MTF2: variants seen among roughly 807,000 people sequenced by gnomAD.
The protein encoded by MTF2 is metal-response element-binding transcription factor 2.
Under a neutral mutation model 79.5 loss-of-function variants are expected in MTF2, and 11 were observed. That is an observed-to-expected ratio of 0.14 (90% CI 0.09 to 0.23). The LOEUF is 0.23. Ranked by LOEUF, MTF2 falls within the 10% of genes least tolerant of loss-of-function variation. The pLI, the probability that MTF2 is intolerant of heterozygous loss-of-function variation, is 1.00. For synonymous variants in MTF2, 208 were observed against 232.8 expected (o/e 0.89, Z 0.97); for missense variants, 486 against 711.2 (o/e 0.68, Z 3.60).
Position 93,096,107 on chromosome 1 carries a change from T to C in MTF2, c.6-14123T>C, listed in dbSNP as rs189893244. Among the ~76,000 whole-genome samples, 6 of 152,352 alleles carry C rather than the reference T, an allele frequency of 3.9e-5. No individual in the cohort carries two copies. In the East Asian group the frequency reaches 5.8e-4, roughly 15 times the overall value. On this transcript the variant is annotated intron_variant, in intron 1 of 14. Coordinates refer to ENST00000370298, the MANE Select transcript of MTF2 (RefSeq NM_007358.4). ...CACTTATGTTTAATTTTCTTCCTTA[T>C]TTTACAAGTGTTCATTCTTCCATCT...
chr1:93,083,211 A>G (rs988292756), intron 1 of MTF2, among the ~76,000 whole-genome samples: 1 of 152,204 alleles, frequency 6.6e-6, no homozygotes, highest in African/African-American at 2.4e-5. Context: ...TTAAACAACC[A>G]GAGAACTCAG....
At chr1:93,104,862 G>A (rs1275967540) in intron 1 of MTF2, among the ~76,000 whole-genome samples, 3 of 144,288 alleles carry the variant, frequency 2.1e-5, no homozygotes, top group African/African-American at 5.7e-5. Flanking sequence ...GTGAATAAGA[G>A]ACAGACATTC....
At chr1:93,096,116 T>C (rs936698626) in intron 1 of MTF2, among the ~76,000 whole-genome samples, 16 of 152,254 alleles carry the variant, frequency 1.1e-4, no homozygotes, top group Admixed American at 2.6e-4. Context: ...ATTTTACAAG[T>C]GTTCATTCTT....
At chr1:93,121,021 A>T in intron 9 of MTF2, 1 of 1,035,680 alleles carries the variant, frequency 9.7e-7, no homozygotes, top group Non-Finnish European at 1.2e-6. Context: ...TAAGTTTTCT[A>T]TAAACTTAGA....
At chr1:93,114,017 G>A (rs919982258) in intron 3 of MTF2, among the ~76,000 whole-genome samples, 48 of 145,466 alleles carry the variant, frequency 3.3e-4, no homozygotes, top group African/African-American at 1.2e-3. Context: ...TTTTTTTTTT[G>A]AGAATAAAAA....
intron 1 of MTF2, among the ~76,000 whole-genome samples, chr1:93,108,037 G>T (rs1258577170): frequency 6.6e-6 from 1 of 152,154 alleles, no homozygotes; most frequent in East Asian, 1.9e-4. Context: ...GCCTCCCAAA[G>T]TGCTGGGATT....
intron 9 of MTF2, among the ~76,000 whole-genome samples, chr1:93,122,983 G>A (rs1430306266): frequency 6.6e-6 from 1 of 151,932 alleles, no homozygotes; most frequent in Non-Finnish European, 1.5e-5. Context: ...CAAATTATTT[G>A]AATAGAAAAT....
At chr1:93,132,985 A>T (rs60548497) in intron 11 of MTF2, among the ~76,000 whole-genome samples, 12,537 of 151,602 alleles carry the variant, frequency 0.083, 1,673 homozygotes, top group African/African-American at 0.29. Flanking sequence ...CTATATATAT[A>T]TTTTCTTTTT....
At chr1:93,097,000 C>A (rs534263760) in intron 1 of MTF2, among the ~76,000 whole-genome samples, 1 of 151,416 alleles carries the variant, frequency 6.6e-6, no homozygotes, top group Non-Finnish European at 1.5e-5. Context: ...TGTAGAGATG[C>A]GGTTTTACCA....
At position 93,138,794 on chromosome 1, in the gene MTF2, A is replaced by G. The variant is rs886826879; in HGVS notation, c.*1767A>G. On this transcript the variant is annotated 3_prime_UTR_variant, in exon 15 of 15. Coordinates refer to ENST00000370298, the MANE Select transcript of MTF2 (RefSeq NM_007358.4). ...TATATCTAGGGGTAATGAAAAATGT[A>G]AATCCCGTGTATCCTTATTCACTCC... The G allele has an allele frequency of 6.6e-6, 1 of 152,222 alleles. No individual in the cohort carries two copies. The highest frequency in any genetic ancestry group is 1.5e-5 in the Non-Finnish European group (1 of 68,026). The allele number at this position is 152,222 out of a possible 1,614,324, so 9.4% of individuals were successfully genotyped here.
chr1:93,113,037 G>A (rs573313098), intron 3 of MTF2, among the ~76,000 whole-genome samples: 293 of 152,176 alleles, frequency 1.9e-3, no homozygotes, highest in African/African-American at 6.9e-3. Flanking sequence ...TCTCATGATC[G>A]GAACCATAAA....
intron 1 of MTF2, among the ~76,000 whole-genome samples, chr1:93,107,991 C>T (rs1239766551): frequency 6.6e-6 from 1 of 151,982 alleles, no homozygotes; most frequent in African/African-American, 2.4e-5. Context: ...CCTTTGTTGC[C>T]CAGGCTACTC....
intron 9 of MTF2, chr1:93,121,322 T>TGGG (rs2101075559): frequency 1.2e-6 from 1 of 850,400 alleles, no homozygotes; most frequent in Non-Finnish European, 1.4e-6. Context: ...GTAACTAGAA[T>TGGG]AAGTTTAATA....
At chr1:93,088,673 C>T (rs1348401621) in intron 1 of MTF2, among the ~76,000 whole-genome samples, 1 of 152,156 alleles carries the variant, frequency 6.6e-6, no homozygotes, top group African/African-American at 2.4e-5. Context: ...TCAAGCAATT[C>T]TCATGCTTCA....
chr1:93,110,279 C>T lies in MTF2; in HGVS notation c.55C>T (p.Arg19Cys), dbSNP rs754440392. ...NSLVHKRSPL[R>C]RNQKTPTSLT... ...ACTGGTCCACAAGCGGTCTCCTTTA[C>T]GTCGAAACCAAAAGACCCCAACATC... is the stretch of plus-strand genomic sequence containing the variant. The change falls in exon 2 of 15, where the codon CGT (arginine) becomes TGT (cysteine). Residue 19 changes from arginine (R) to cysteine (C), a missense_variant. This residue lies in a region of MTF2 where 75 missense variants were observed against 83.8 expected (regional missense o/e 0.89). Coordinates refer to ENST00000370298, the MANE Select transcript of MTF2 (RefSeq NM_007358.4). 1.5e-5 allele frequency: 25 copies of T among 1,613,920 alleles called. No individual in the cohort carries two copies. The highest frequency in any genetic ancestry group is 1.1e-4 in the South Asian group (10 of 91,076).
At chr1:93,134,835 A>T (rs141760899) in intron 14 of MTF2, among the ~76,000 whole-genome samples, 26 of 6,612 alleles carry the variant, frequency 3.9e-3, no homozygotes, top group Non-Finnish European at 8.3e-3. Flanking sequence ...AGATTTGATT[A>T]AAAAAAAAAA....
intron 1 of MTF2, among the ~76,000 whole-genome samples, chr1:93,083,314 G>A (rs901644704): frequency 3.3e-5 from 5 of 152,120 alleles, no homozygotes; most frequent in South Asian, 2.1e-4. Flanking sequence ...ACAATTTGAC[G>A]GAATATTTGG....
chr1:93,131,785 C>A (rs1054581298), intron 11 of MTF2, among the ~76,000 whole-genome samples: 4 of 152,042 alleles, frequency 2.6e-5, no homozygotes, highest in Admixed American at 2.6e-4. Context: ...AGAGTAGAAG[C>A]CAAAAGAGAA....
intron 1 of MTF2, among the ~76,000 whole-genome samples, chr1:93,101,366 C>CT (rs71586777): frequency 0.14 from 15,552 of 108,084 alleles, 1,845 homozygotes; most frequent in African/African-American, 0.23. Flanking sequence ...CTATCTTAAC[C>CT]TTTTTTTTTT....
Sources: gnomAD v4.1 joint callset for allele counts (sites outside exome capture counted in the v4.1 genomes callset) on GRCh38, gnomAD v4.1.1 for gene constraint, gnomAD v4.1.1 regional missense constraint, MANE v1.5 for transcripts, NCBI Gene and HGNC (gene_info 2026-07-23, HGNC 2026-07-21) for gene names.